ZNF148: variants seen among roughly 807,000 people sequenced by gnomAD.
ZNF148 encodes the protein zinc finger protein 148.
A neutral mutation model predicts 67.7 loss-of-function variants in ZNF148; 7 were observed. That is an observed-to-expected ratio of 0.10 (90% CI 0.06 to 0.19). ZNF148 has a LOEUF of 0.19. ZNF148 is among the 10% of genes least tolerant of loss of function. The pLI is 1.00. For synonymous variants in ZNF148, 333 were observed against 330.7 expected, an observed-to-expected ratio of 1.01 and a Z score of -0.08; for missense variants, 583 against 947.1, an observed-to-expected ratio of 0.62 and a Z score of 5.05.
intron 4 of ZNF148, among the ~76,000 whole-genome samples, chr3:125,299,393 G>A (rs1208481173): frequency 6.6e-6 from 1 of 152,180 alleles, no homozygotes; most frequent in African/African-American, 2.4e-5. Context: ...AACCGGCTGT[G>A]GTGACTTACA....
At chr3:125,253,608 T>G (rs2107552804) in intron 7 of ZNF148, among the ~76,000 whole-genome samples, 1 of 152,286 alleles carries the variant, frequency 6.6e-6, no homozygotes, top group East Asian at 1.9e-4. Flanking sequence ...AGTCCCCTAT[T>G]ATTCTAGTTA....
At chr3:125,289,615 T>C (rs1017418668) in intron 4 of ZNF148, among the ~76,000 whole-genome samples, 4 of 152,112 alleles carry the variant, frequency 2.6e-5, no homozygotes, top group African/African-American at 9.7e-5. Context: ...TAACTGGGAA[T>C]GGGTATGAGA....
intron 3 of ZNF148, among the ~76,000 whole-genome samples, chr3:125,322,731 A>G (rs1320964334): frequency 6.6e-6 from 1 of 152,184 alleles, no homozygotes. Flanking sequence ...AAATATAAAT[A>G]TATTTCTACC....
chr3:125,277,155 G>T (rs1233299406), intron 7 of ZNF148, among the ~76,000 whole-genome samples: 1 of 152,146 alleles, frequency 6.6e-6, no homozygotes, highest in Non-Finnish European at 1.5e-5. Flanking sequence ...ATAAAAGTTG[G>T]TTTTACCGTT....
intron 4 of ZNF148, among the ~76,000 whole-genome samples, chr3:125,301,842 T>C (rs1038364313): frequency 1.3e-5 from 2 of 152,000 alleles, no homozygotes; most frequent in Non-Finnish European, 2.9e-5. Flanking sequence ...GGTGGGTGGA[T>C]CACCTGAGGT....
Position 125,344,515 on chromosome 3 carries a change from C to T in ZNF148, c.-233-13277G>A. ...TTCCCTGAAGACATCATCTGGGTTACAAAATGTGAAGCCAAACTCAAATGG... is the reference window on the plus strand; with the variant it reads ...TTCCCTGAAGACATCATCTGGGTTATAAAATGTGAAGCCAAACTCAAATGG... On this transcript the variant is annotated intron_variant, in intron 1 of 8. Coordinates refer to ENST00000360647, the MANE Select transcript of ZNF148 (RefSeq NM_021964.3). 3 of 1,134,302 alleles carry T rather than the reference C, an allele frequency of 2.6e-6. No homozygotes were observed. The South Asian group carries it at 3.7e-5, about 14-fold the overall frequency. 70.3% of individuals were successfully genotyped at this position (1,134,302 alleles called of 1,614,324 possible).
intron 4 of ZNF148, among the ~76,000 whole-genome samples, chr3:125,294,832 T>C (rs996026868): frequency 1.3e-5 from 2 of 152,278 alleles, no homozygotes; most frequent in Non-Finnish European, 2.9e-5. Context: ...ACCAAAGTCT[T>C]CTGAATCCAG....
chr3:125,230,552 T>C lies in ZNF148; in HGVS notation c.*1789A>G, dbSNP rs2107824603. ...ATTCCTTATCATAAAAACACCAATA[T>C]ATTCAAAATAAATGAAGGATGTTAA... On this transcript the variant is annotated 3_prime_UTR_variant, in exon 9 of 9. Transcript: ENST00000360647. 1 of 152,562 alleles carries C rather than the reference T, an allele frequency of 6.6e-6. No individual in the cohort carries two copies. The highest frequency in any genetic ancestry group is 1.9e-4 in the East Asian group (1 of 5,186). The allele number at this position is 152,562 out of a possible 1,614,324, so 9.5% of individuals were successfully genotyped here.
chr3:125,359,067 G>A (rs1203122780), intron 1 of ZNF148, among the ~76,000 whole-genome samples: 1 of 152,136 alleles, frequency 6.6e-6, no homozygotes, highest in Non-Finnish European at 1.5e-5. Context: ...CCCTCAACAA[G>A]GTCCAGTCTG....
At chr3:125,373,481 G>A (rs939295524) in intron 1 of ZNF148, among the ~76,000 whole-genome samples, 2 of 151,924 alleles carry the variant, frequency 1.3e-5, no homozygotes, top group Admixed American at 6.6e-5. Flanking sequence ...TGGAAATCTG[G>A]TCTGGTGTGA....
intron 2 of ZNF148, among the ~76,000 whole-genome samples, chr3:125,324,235 T>TA (rs1349861044): frequency 1.3e-5 from 2 of 152,046 alleles, no homozygotes; most frequent in Non-Finnish European, 2.9e-5. Flanking sequence ...CCTGCTTTGT[T>TA]AAAGTCTATG....
At chr3:125,326,729 AATATACATATTTATATGTAT>A (rs1031226130) in intron 2 of ZNF148, among the ~76,000 whole-genome samples, 8 of 145,254 alleles carry the variant, frequency 5.5e-5, no homozygotes, top group African/African-American at 1.7e-4. Flanking sequence ...TATGTATATA[AATATACATATTTATATGTAT>A]ATATACATAT....
chr3:125,312,423 G>A (rs1940265253), intron 4 of ZNF148, among the ~76,000 whole-genome samples: 1 of 152,068 alleles, frequency 6.6e-6, no homozygotes, highest in East Asian at 1.9e-4. Flanking sequence ...GCCAACACCT[G>A]GACTACAGTG....
At chr3:125,334,212 T>A (rs1941401902) in intron 1 of ZNF148, among the ~76,000 whole-genome samples, 1 of 152,222 alleles carries the variant, frequency 6.6e-6, no homozygotes, top group Non-Finnish European at 1.5e-5. Context: ...TACTAGCAGG[T>A]GGTCCAATTT....
intron 1 of ZNF148, among the ~76,000 whole-genome samples, chr3:125,345,060 A>G (rs548016613): frequency 1.1e-4 from 17 of 152,362 alleles, no homozygotes; most frequent in African/African-American, 4.1e-4. Flanking sequence ...ACAATCAACC[A>G]ACATGGTCTT....
chr3:125,303,046 A>T (rs57719858), intron 4 of ZNF148, among the ~76,000 whole-genome samples: 143 of 152,362 alleles, frequency 9.4e-4, no homozygotes, highest in African/African-American at 3.3e-3. Flanking sequence ...GAAATTACTG[A>T]TACATGCAAC....
In ZNF148 at chr3:125,288,160, G is replaced by A. The variant is rs200265668; in HGVS notation, c.402C>T (p.Ile134=). The change falls in exon 5 of 9, where the codon ATC becomes ATT. Residue 134 remains isoleucine (I), a synonymous_variant. Coordinates refer to ENST00000360647, the MANE Select transcript of ZNF148 (RefSeq NM_021964.3). Reference sequence around the variant, plus strand: ...TTTTCTGTAAGTCTACTGGCTCTCTGATTTGTTTTTTGTCTCTCATCAGTT... The same window carrying A: ...TTTTCTGTAAGTCTACTGGCTCTCTAATTTGTTTTTTGTCTCTCATCAGTT... ...SEQLMRDKKQ[I]REPVDLQKKK... The A allele has an allele frequency of 1.2e-6, 2 of 1,613,754 alleles. No individual in the cohort carries two copies. Among genetic ancestry groups the A allele is most frequent in the Admixed American group, 3.3e-5 (2 of 59,924 alleles).
chr3:125,364,446 T>C (rs753021752), intron 1 of ZNF148, among the ~76,000 whole-genome samples: 2 of 151,052 alleles, frequency 1.3e-5, no homozygotes, highest in Non-Finnish European at 3.0e-5. Flanking sequence ...CCAATAATCA[T>C]GGAATAGATA....
Position 125,232,715 on chromosome 3 carries a change from G to C in ZNF148, c.2011C>G (p.Pro671Ala). The change falls in exon 9 of 9, where the codon CCA (proline) becomes GCA (alanine). Residue 671 changes from proline (P) to alanine (A), a missense_variant. Pro to Ala is a conservative substitution (Grantham distance 27). Transcript: ENST00000360647. The surrounding 1 kb of genome is among the most constrained non-coding windows in gnomAD (Gnocchi z 4.2). ...ATTAGTCCAAAGTGGGACTTATCTG[G>C]AGTTGTTCTTAGTGGAGAATTCATT... ...SGMNSPLRTT[P>A]DKSHFGLIVG... 1.2e-6 allele frequency: 2 copies of C among 1,613,858 alleles called. No individual in the cohort carries two copies. The highest frequency in any genetic ancestry group is 8.5e-7 in the Non-Finnish European group (1 of 1,179,802).
Sources: allele counts gnomAD v4.1 joint callset (sites outside exome capture counted in the v4.1 genomes callset), GRCh38; gene constraint gnomAD v4.1.1; non-coding constraint Gnocchi (gnomAD v3.1); transcripts MANE v1.5; gene names NCBI Gene and HGNC (gene_info 2026-07-23, HGNC 2026-07-21).